Variants in APTX observed in about 807,000 individuals in gnomAD.
APTX encodes forkhead-associated domain histidine triad-like protein.
A neutral mutation model predicts 42.3 loss-of-function variants in APTX; 33 were observed. The ratio of observed to expected loss-of-function variants is 0.78; its 90% CI spans 0.59 to 1.04. The LOEUF is 1.04. Among genes scored for constraint, APTX ranks in the 50% least tolerant of loss-of-function variants. The probability of loss-of-function intolerance (pLI) is 0.00; values close to 1 mark genes in which losing one functional copy is unlikely to be tolerated. For synonymous variants in APTX, 130 were observed against 146.7 expected (o/e 0.89, Z 0.82); for missense variants, 421 against 415.1 (o/e 1.01, Z -0.12).
chr9:33,017,871 T>C (rs1304610046), intron 1 of APTX, among the ~76,000 whole-genome samples: 2 of 151,466 alleles, frequency 1.3e-5, no homozygotes, highest in African/African-American at 2.4e-5. Context: ...GAGGTCATAG[T>C]GTGAGGCTGA....
At chr9:32,994,617 T>C (rs902309127) in intron 1 of APTX, among the ~76,000 whole-genome samples, 9 of 152,254 alleles carry the variant, frequency 5.9e-5, no homozygotes, top group Non-Finnish European at 1.3e-4. Flanking sequence ...TCCAACAGCA[T>C]GTGCTCACTT....
At chr9:33,009,477 C>T (rs956089616) in intron 1 of APTX, among the ~76,000 whole-genome samples, 1 of 152,154 alleles carries the variant, frequency 6.6e-6, no homozygotes, top group Non-Finnish European at 1.5e-5. Flanking sequence ...CTTGTCCCCT[C>T]CAATCCAATC....
At chr9:33,009,025 A>G (rs75351651) in intron 1 of APTX, among the ~76,000 whole-genome samples, 5,833 of 152,176 alleles carry the variant, frequency 0.038, 178 homozygotes, top group East Asian at 0.12. Flanking sequence ...ACCCTCTATT[A>G]TTTTCAACTC....
chr9:32,977,099 T>C (rs1009450499), intron 6 of APTX, among the ~76,000 whole-genome samples: 6 of 152,216 alleles, frequency 3.9e-5, no homozygotes, highest in Non-Finnish European at 8.8e-5. Context: ...GCACATGTTT[T>C]AAACCGTTAA....
chr9:33,003,663 C>A (rs961122363), upstream of APTX, among the ~76,000 whole-genome samples: 7 of 152,118 alleles, frequency 4.6e-5, no homozygotes, highest in African/African-American at 1.7e-4. Flanking sequence ...TTAAATAGCT[C>A]CCTATTTTCC....
intron 6 of APTX, among the ~76,000 whole-genome samples, chr9:32,983,398 G>A (rs557059421): frequency 4.6e-5 from 7 of 152,258 alleles, no homozygotes; most frequent in African/African-American, 1.7e-4. Context: ...GAACTTTCTG[G>A]GATGAAAGGA....
At chr9:33,012,467 C>T (rs4879657) in intron 1 of APTX, among the ~76,000 whole-genome samples, 85,186 of 151,944 alleles carry the variant, frequency 0.56, 24,463 homozygotes, top group African/African-American at 0.7. Context: ...CAATGGGACA[C>T]TACCAAGTAC....
At chr9:33,001,765 G>A (rs1374736317), upstream of APTX, 1 of 871,730 alleles carries the variant, frequency 1.1e-6, no homozygotes, top group Non-Finnish European at 1.8e-6. Flanking sequence ...CTGGGCCGTG[G>A]TCCAACTGAG....
intron 1 of APTX, among the ~76,000 whole-genome samples, chr9:33,011,198 T>C (rs779476753): frequency 6.6e-6 from 1 of 152,022 alleles, no homozygotes; most frequent in Non-Finnish European, 1.5e-5. Context: ...GAGGCCTCTC[T>C]TGAGCACAGA....
intron 1 of APTX, among the ~76,000 whole-genome samples, chr9:33,013,321 G>A (rs942623969): frequency 5.3e-5 from 8 of 152,082 alleles, no homozygotes; most frequent in African/African-American, 1.2e-4. Context: ...TGTTTGTGGC[G>A]GGGCCAGGAT....
At chr9:33,000,562 G>A (rs1219205833) in intron 1 of APTX, among the ~76,000 whole-genome samples, 2 of 142,376 alleles carry the variant, frequency 1.4e-5, no homozygotes, top group East Asian at 4.5e-4. Flanking sequence ...GGAGACGGAG[G>A]TTGCAGTGAG....
chr9:32,990,399 C>T (rs2118883358), intron 1 of APTX, among the ~76,000 whole-genome samples: 1 of 152,262 alleles, frequency 6.6e-6, no homozygotes, highest in African/African-American at 2.4e-5. Flanking sequence ...TCTCAAACTT[C>T]TGACCTCAGG....
Position 32,974,572 on chromosome 9 carries a change from G to GA in APTX, c.771-12dup, listed in dbSNP as rs34600530. 814,414 of 1,367,140 alleles carry GA rather than the reference G, an allele frequency of 0.6. 236,383 individuals are homozygous for GA. The highest frequency in any genetic ancestry group is 0.81 in the East Asian group (33,397 of 40,980). The allele number at this position is 1,367,140 out of a possible 1,614,324, so 84.7% of individuals were successfully genotyped here. On this transcript the variant is annotated splice_polypyrimidine_tract_variant and intron_variant, in intron 6 of 7. Coordinates refer to ENST00000379817, the MANE Select transcript of APTX (RefSeq NM_001195248.2). ...TGAAGATGTACATGGCTAGTTGAAA[G>GA]AAAAAAAAACTGAGCATTAAACTCT...
At chr9:33,024,458 C>G (rs1164473288) in intron 1 of APTX, among the ~76,000 whole-genome samples, 1 of 152,170 alleles carries the variant, frequency 6.6e-6, no homozygotes, top group Non-Finnish European at 1.5e-5. Flanking sequence ...GTTCCCTGAC[C>G]CGTAGGATTT....
chr9:33,019,339 AAAAT>A (rs1252898127), intron 1 of APTX, among the ~76,000 whole-genome samples: 4 of 152,184 alleles, frequency 2.6e-5, no homozygotes, highest in Non-Finnish European at 4.4e-5. Context: ...TGCTACTCAA[AAAAT>A]AAATAAATAA....
intron 1 of APTX, among the ~76,000 whole-genome samples, chr9:33,012,496 A>T (rs186717279): frequency 6.6e-6 from 1 of 152,120 alleles, no homozygotes; most frequent in Non-Finnish European, 1.5e-5. Context: ...CAGAACCTTA[A>T]TAACTGCTTA....
chr9:33,016,435 A>G (rs560887402), intron 1 of APTX, among the ~76,000 whole-genome samples: 37 of 152,356 alleles, frequency 2.4e-4, no homozygotes, highest in African/African-American at 8.7e-4. Flanking sequence ...TACAAAAAAG[A>G]CAGCAATAAA....
At chr9:32,989,492 A>G in intron 2 of APTX, 1 of 587,274 alleles carries the variant, frequency 1.7e-6, no homozygotes, top group South Asian at 1.6e-5. Flanking sequence ...TGGGGAAAGG[A>G]GGGCAGGACT....
intron 1 of APTX, chr9:33,019,887 C>A: frequency 1.7e-6 from 1 of 588,028 alleles, no homozygotes; most frequent in Non-Finnish European, 3.1e-6. Context: ...GCATCTGGAG[C>A]CAGGGACCCA....
Sources: allele counts gnomAD v4.1 joint callset (sites outside exome capture counted in the v4.1 genomes callset), GRCh38; gene constraint gnomAD v4.1.1; transcripts MANE v1.5; gene names NCBI Gene and HGNC (gene_info 2026-07-23, HGNC 2026-07-21).